The following ICA1L variants were observed in gnomAD, a reference collection of about 807,000 sequenced individuals.
ICA1L encodes the protein islet cell autoantigen 1-like protein.
A neutral mutation model predicts 61.3 loss-of-function variants in ICA1L; 50 were observed. That is an observed-to-expected ratio of 0.82 (90% CI 0.65 to 1.03). ICA1L has a LOEUF of 1.03. Among genes scored for constraint, ICA1L ranks in the 50% least tolerant of loss-of-function variants. The probability of loss-of-function intolerance (pLI) is 0.00; values close to 1 mark genes in which losing one functional copy is unlikely to be tolerated. For missense variants in ICA1L, 508 were observed against 556.7 expected, an observed-to-expected ratio of 0.91 and a Z score of 0.88; for synonymous variants, 161 against 191.3, an observed-to-expected ratio of 0.84 and a Z score of 1.31.
intron 1 of ICA1L, among the ~76,000 whole-genome samples, chr2:202,838,544 T>C (rs1377868627): frequency 1.3e-5 from 2 of 152,222 alleles, no homozygotes; most frequent in Admixed American, 6.5e-5. Context: ...TATTATTGCA[T>C]TGCTATCTAT....
intron 1 of ICA1L, among the ~76,000 whole-genome samples, chr2:202,854,049 C>T (rs941320129): frequency 9.9e-5 from 15 of 152,094 alleles, no homozygotes; most frequent in African/African-American, 3.6e-4. Context: ...ACAATATTAA[C>T]CTTAAATGTA....
At chr2:202,796,860 C>A in intron 10 of ICA1L, 30 bp downstream of exon 10, 2 of 1,276,768 alleles carry the variant, frequency 1.6e-6, no homozygotes, top group South Asian at 2.8e-5. Context: ...TTTAAAGAAT[C>A]ATTCATATGT....
rs1303386809 is a variant in ICA1L, at chr2:202,825,677, A to G, written c.235+18T>C. 1.4e-6 allele frequency: 2 copies of G among 1,400,870 alleles called. No individual in the cohort carries two copies. Among genetic ancestry groups the G allele is most frequent in the Non-Finnish European group, 2.0e-6 (2 of 1,007,146 alleles). The allele number at this position is 1,400,870 out of a possible 1,614,324, so 86.8% of individuals were successfully genotyped here. On this transcript the variant is annotated intron_variant, in intron 3 of 12. Coordinates refer to ENST00000358299, the MANE Select transcript of ICA1L (RefSeq NM_001288622.3). ...ATTTTAAATGGGGATTATCAGATAG[A>G]TAACTATGATTTCATACCATTGAGT...
At chr2:202,845,734 C>T (rs1171326814) in intron 1 of ICA1L, among the ~76,000 whole-genome samples, 3 of 151,936 alleles carry the variant, frequency 2.0e-5, no homozygotes, top group African/African-American at 4.8e-5. Context: ...TAAAACAAAT[C>T]AATAATCTCT....
chr2:202,789,947 A>G (rs1447724830), intron 10 of ICA1L, among the ~76,000 whole-genome samples: 1 of 152,230 alleles, frequency 6.6e-6, no homozygotes, highest in Non-Finnish European at 1.5e-5. Flanking sequence ...CAAGTCCCCA[A>G]GCAGGCCAGT....
At chr2:202,861,496 C>A (rs1694911893) in intron 1 of ICA1L, among the ~76,000 whole-genome samples, 1 of 142,822 alleles carries the variant, frequency 7.0e-6, no homozygotes, top group African/African-American at 2.6e-5. Context: ...AAAAAAATAA[C>A]CTGACAGAAC....
chr2:202,821,004 G>A (rs1165433388), intron 4 of ICA1L, among the ~76,000 whole-genome samples: 4 of 152,062 alleles, frequency 2.6e-5, no homozygotes, highest in Non-Finnish European at 5.9e-5. Context: ...GTATCAAAAA[G>A]CGAAATTGGA....
At chr2:202,785,386 C>T (rs1191717369) in intron 12 of ICA1L, among the ~76,000 whole-genome samples, 1 of 152,038 alleles carries the variant, frequency 6.6e-6, no homozygotes, top group African/African-American at 2.4e-5. Flanking sequence ...GATTACAGTA[C>T]AAAATGTAGT....
chr2:202,787,732 G>A (rs1052397890), intron 11 of ICA1L, among the ~76,000 whole-genome samples: 6 of 152,214 alleles, frequency 3.9e-5, no homozygotes, highest in Non-Finnish European at 5.9e-5. Flanking sequence ...GTGAAGTGCC[G>A]TGAGGGGTCC....
intron 1 of ICA1L, 86 bp downstream of exon 1, chr2:202,871,515 CGCCCCCGCCTCCCGGCGT>C (rs1388850591): frequency 1.3e-5 from 2 of 152,114 alleles, no homozygotes; most frequent in African/African-American, 4.8e-5. Context: ...CCTCCCGCCG[CGCCCCCGCCTCCCGGCGT>C]CGCCATGGGA....
At chr2:202,852,964 T>C (rs919966575) in intron 1 of ICA1L, among the ~76,000 whole-genome samples, 2 of 151,852 alleles carry the variant, frequency 1.3e-5, no homozygotes, top group African/African-American at 2.4e-5. Flanking sequence ...GGAGTCCCTA[T>C]TTAATAAATG....
chr2:202,847,930 G>C (rs1694511066), intron 1 of ICA1L, among the ~76,000 whole-genome samples: 3 of 152,066 alleles, frequency 2.0e-5, no homozygotes, highest in Non-Finnish European at 4.4e-5. Flanking sequence ...GTCCTTTGCA[G>C]CAATACGGAT....
chr2:202,781,359 G>C (rs1692396953), intron 12 of ICA1L, among the ~76,000 whole-genome samples: 1 of 151,944 alleles, frequency 6.6e-6, no homozygotes, highest in Non-Finnish European at 1.5e-5. Context: ...GATCACCTGA[G>C]GTCAGGAGTT....
intron 2 of ICA1L, 111 bp downstream of exon 2, chr2:202,828,737 C>T (rs1391513374): frequency 8.4e-6 from 7 of 834,672 alleles, no homozygotes. Flanking sequence ...ATTCTATTAT[C>T]AAATTTGCAT....
chr2:202,773,748 A>G lies in ICA1L; in HGVS notation c.*5785T>C. 1 of 1,319,670 alleles carries G rather than the reference A, an allele frequency of 7.6e-7. No homozygotes were observed. Among genetic ancestry groups the G allele is most frequent in the Non-Finnish European group, 1.1e-6 (1 of 915,830 alleles). 81.7% of individuals were successfully genotyped at this position (1,319,670 alleles called of 1,614,324 possible). A position where few individuals can be genotyped will look rare whatever the true frequency, so the allele number is the denominator to read the frequency against. ...GTTATGCATGAAGAGTTTAATAACC[A>G]TCCAGGTCCAAAGGTGGAAGAATAC... On this transcript the variant is annotated 3_prime_UTR_variant, in exon 13 of 13. Coordinates refer to ENST00000358299, the MANE Select transcript of ICA1L (RefSeq NM_001288622.3).
At chr2:202,802,185 C>T (rs1254299406) in intron 9 of ICA1L, among the ~76,000 whole-genome samples, 8 of 151,966 alleles carry the variant, frequency 5.3e-5, no homozygotes, top group African/African-American at 9.7e-5. Context: ...AAAGAATCCT[C>T]GATGTATACA....
intron 1 of ICA1L, among the ~76,000 whole-genome samples, chr2:202,850,051 G>C (rs1400520915): frequency 6.6e-6 from 1 of 152,190 alleles, no homozygotes; most frequent in African/African-American, 2.4e-5. Flanking sequence ...ACCTGCAGAA[G>C]AGGGGCCTGT....
rs1000328405 is a variant in ICA1L, at chr2:202,841,370, G to C, written c.-7-12354C>G. ...TGTTGATGTAGCTCTCGAACATGTTGTCCGTGTTGCTCTAAGCCATCTTCT... is the reference window on the plus strand; with the variant it reads ...TGTTGATGTAGCTCTCGAACATGTTCTCCGTGTTGCTCTAAGCCATCTTCT... On this transcript the variant is annotated intron_variant, in intron 1 of 12. Coordinates refer to ENST00000358299, the MANE Select transcript of ICA1L (RefSeq NM_001288622.3). 9 of 873,970 alleles carry C rather than the reference G, an allele frequency of 1.0e-5. No individual in the cohort carries two copies. In the Middle Eastern group the frequency reaches 8.5e-4, roughly 83 times the overall value. 54.1% of individuals were successfully genotyped at this position (873,970 alleles called of 1,614,324 possible).
chr2:202,796,775 T>C (rs983179824), intron 10 of ICA1L, 115 bp downstream of exon 10: 45 of 580,576 alleles, frequency 7.8e-5, no homozygotes, highest in Admixed American at 5.8e-4. Context: ...TAGAGGCACA[T>C]AGTTGCATTC....
Sources: gnomAD v4.1 joint callset for allele counts (sites outside exome capture counted in the v4.1 genomes callset) on GRCh38, gnomAD v4.1.1 for gene constraint, MANE v1.5 for transcripts, NCBI Gene and HGNC (gene_info 2026-07-23, HGNC 2026-07-21) for gene names.